Variants in TENM2 observed in about 807,000 individuals in gnomAD.
The protein encoded by TENM2 is teneurin-2.
In TENM2, 52 loss-of-function variants were observed where a neutral mutation model predicts 245.2. The ratio of observed to expected loss-of-function variants is 0.21; its 90% CI spans 0.17 to 0.27. TENM2 has a LOEUF of 0.27. Among genes scored for constraint, TENM2 ranks in the 10% least tolerant of loss-of-function variants. The pLI is 1.00. For missense variants in TENM2, 3,046 were observed against 3,666.8 expected (o/e 0.83, Z 4.37); for synonymous variants, 1,363 against 1,438.9 (o/e 0.95, Z 1.19).
In TENM2 at chr5:167,889,845, G is replaced by T. The variant is rs1018001225; in HGVS notation, c.712+13650G>T. 2.0e-3 allele frequency among the ~76,000 whole-genome samples: 299 copies of T among 152,194 alleles called. 1 individual carries two copies. In the Middle Eastern group the frequency reaches 0.02, roughly 10 times the overall value. On this transcript the variant is annotated intron_variant, in intron 3 of 28. Transcript: ENST00000518659. Reference sequence around the variant, plus strand: ...GCCTTCTCGTGAAGACTAAAAACTGGTTAGAATATAAAAGATGGAGGATCT... The same window carrying T: ...GCCTTCTCGTGAAGACTAAAAACTGTTTAGAATATAAAAGATGGAGGATCT...
At chr5:167,994,600 T>A (rs1465654813) in intron 5 of TENM2, among the ~76,000 whole-genome samples, 1 of 152,226 alleles carries the variant, frequency 6.6e-6, no homozygotes, top group Non-Finnish European at 1.5e-5. Context: ...TGTCTTAATA[T>A]GGAAAAATAA....
intron 6 of TENM2, among the ~76,000 whole-genome samples, chr5:168,049,512 A>G (rs1163259076): frequency 4.6e-5 from 7 of 152,144 alleles, no homozygotes; most frequent in African/African-American, 1.7e-4. Flanking sequence ...GCCTCCGTAA[A>G]TTAAGGTCAA....
At chr5:167,732,262 C>A (rs1253784067) in intron 2 of TENM2, among the ~76,000 whole-genome samples, 1 of 152,130 alleles carries the variant, frequency 6.6e-6, no homozygotes, top group Non-Finnish European at 1.5e-5. Flanking sequence ...TAGGCCATTA[C>A]TGTGTTTGTG....
At chr5:167,301,118 TA>T (rs1755289869) in intron 1 of TENM2, among the ~76,000 whole-genome samples, 1 of 152,116 alleles carries the variant, frequency 6.6e-6, no homozygotes, top group South Asian at 2.1e-4. Context: ...CGTGATGGCC[TA>T]GGGGGCTTCC....
At chr5:167,345,767 A>G (rs1197309451) in intron 1 of TENM2, among the ~76,000 whole-genome samples, 1 of 152,094 alleles carries the variant, frequency 6.6e-6, no homozygotes, top group Non-Finnish European at 1.5e-5. Context: ...TCAATGTAGG[A>G]GGGAATGTTA....
At chr5:167,491,410 A>T (rs1424652421) in intron 2 of TENM2, among the ~76,000 whole-genome samples, 1 of 152,102 alleles carries the variant, frequency 6.6e-6, no homozygotes, top group South Asian at 2.1e-4. Context: ...TCTTAACTTT[A>T]TTCACTGATC....
intron 1 of TENM2, among the ~76,000 whole-genome samples, chr5:167,324,637 C>A (rs930728757): frequency 2.0e-4 from 30 of 151,102 alleles, no homozygotes; most frequent in Non-Finnish European, 4.1e-4. Context: ...GATTAACAGT[C>A]ATTGGGACCA....
exon 8 of TENM2, chr5:168,090,733 G>T (rs772125053): frequency 2.5e-6 from 4 of 1,613,880 alleles, no homozygotes; most frequent in Middle Eastern, 3.3e-4. Context: ...TGATGGAAAA[G>T]ACAAAGAGAT....
At chr5:167,099,866 G>T in the TENM2 span, among the ~76,000 whole-genome samples, 2 of 152,168 alleles carry the variant, frequency 1.3e-5, no homozygotes, top group Admixed American at 6.5e-5. Context: ...GTTGCTCCAG[G>T]CATGTGGAAG....
chr5:167,516,133 A>T (rs867465650), intron 2 of TENM2, among the ~76,000 whole-genome samples: 2 of 152,152 alleles, frequency 1.3e-5, no homozygotes, highest in South Asian at 4.1e-4. Context: ...GTAAAAGGAA[A>T]TATTTAGGAC....
the TENM2 span, among the ~76,000 whole-genome samples, chr5:167,181,502 G>GTGTGTGTA: frequency 1.5e-4 from 22 of 144,094 alleles, no homozygotes; most frequent in East Asian, 3.7e-3. Flanking sequence ...GTGTGTGTGT[G>GTGTGTGTA]TATGTGTATT....
At chr5:166,989,623 C>T in the TENM2 span, among the ~76,000 whole-genome samples, 115 of 151,036 alleles carry the variant, frequency 7.6e-4, no homozygotes, top group South Asian at 0.023. Context: ...AACTCCCGAC[C>T]TCACGTGATT....
intron 2 of TENM2, among the ~76,000 whole-genome samples, chr5:167,854,422 C>T (rs544515862): frequency 1.3e-5 from 2 of 152,310 alleles, no homozygotes; most frequent in African/African-American, 2.4e-5. Flanking sequence ...ATATGTGCTG[C>T]GTCTTCTTGC....
intron 4 of TENM2, among the ~76,000 whole-genome samples, chr5:167,967,825 A>G (rs1312662758): frequency 5.3e-5 from 8 of 152,164 alleles, no homozygotes; most frequent in Non-Finnish European, 1.0e-4. Context: ...CACCCATTCA[A>G]CTAATATCAA....
At chr5:167,800,911 A>T (rs866526855) in intron 2 of TENM2, among the ~76,000 whole-genome samples, 4 of 151,838 alleles carry the variant, frequency 2.6e-5, no homozygotes, top group African/African-American at 7.3e-5. Flanking sequence ...GTCCCAGTAG[A>T]TGAATAGGCT....
intron 3 of TENM2, among the ~76,000 whole-genome samples, chr5:167,892,751 ATTCCC>A (rs1457649396): frequency 6.6e-6 from 1 of 152,190 alleles, no homozygotes; most frequent in Non-Finnish European, 1.5e-5. Context: ...TCTATGCCTT[ATTCCC>A]TTCCCCATTT....
intron 2 of TENM2, among the ~76,000 whole-genome samples, chr5:167,807,303 T>C (rs1328245815): frequency 1.3e-5 from 2 of 152,104 alleles, no homozygotes; most frequent in African/African-American, 2.4e-5. Flanking sequence ...CTGGCCTCCA[T>C]TGTGTTCATG....
rs140104070 is a variant in TENM2 at position 167,753,716 on chromosome 5, A to G, written c.503-122270A>G. Among the ~76,000 whole-genome samples, 705 of 152,246 alleles carry G rather than the reference A, an allele frequency of 4.6e-3. 7 individuals are homozygous for G. Among genetic ancestry groups the G allele is most frequent in the African/African-American group, 0.016 (679 of 41,538 alleles). ...ATGAATGTCCTATCGTCAATTTGGG[A>G]GGCTTAAACATGCTGACATGTTGCC... is the stretch of plus-strand genomic sequence containing the variant. On this transcript the variant is annotated intron_variant, in intron 2 of 28. Transcript: ENST00000518659.
At chr5:167,401,270 A>G (rs1762354670) in intron 2 of TENM2, among the ~76,000 whole-genome samples, 1 of 152,104 alleles carries the variant, frequency 6.6e-6, no homozygotes. Context: ...TGAAGTTTTC[A>G]ACTTCACTCC....
Sources: allele counts gnomAD v4.1 joint callset (sites outside exome capture counted in the v4.1 genomes callset), GRCh38; gene constraint gnomAD v4.1.1; transcripts MANE v1.5; gene names NCBI Gene and HGNC (gene_info 2026-07-23, HGNC 2026-07-21).